NRG3: variants seen among roughly 807,000 people sequenced by gnomAD.
The protein encoded by NRG3 is neuregulin 3.
NRG3 carries 31 observed loss-of-function variants against 66.9 expected under a neutral mutation model. The observed-to-expected ratio is 0.46, with a 90% confidence interval of 0.35 to 0.63. The LOEUF (loss-of-function observed/expected upper bound fraction) is 0.63. Among genes scored for constraint, NRG3 ranks in the 20% least tolerant of loss-of-function variants. NRG3 has a pLI of 0.00. For synonymous variants in NRG3, 393 were observed against 359.4 expected, an observed-to-expected ratio of 1.09 and a Z score of -1.06; for missense variants, 910 against 878.9, an observed-to-expected ratio of 1.04 and a Z score of -0.45.
intron 3 of NRG3, among the ~76,000 whole-genome samples, chr10:82,781,046 A>G (rs769226226): frequency 1.3e-5 from 2 of 152,208 alleles, no homozygotes; most frequent in Non-Finnish European, 2.9e-5. Flanking sequence ...GGGAATTATA[A>G]GATGCCCATG....
intron 2 of NRG3, among the ~76,000 whole-genome samples, chr10:82,564,643 G>A (rs1388931786): frequency 6.6e-6 from 1 of 151,976 alleles, no homozygotes; most frequent in African/African-American, 2.4e-5. Context: ...ACTCTATCTT[G>A]TTGCTCTTAA....
intron 1 of NRG3, among the ~76,000 whole-genome samples, chr10:81,917,250 C>A (rs557443901): frequency 6.6e-6 from 1 of 152,296 alleles, no homozygotes; most frequent in African/African-American, 2.4e-5. Context: ...CACTTCAAGT[C>A]CCTTATTTGG....
intron 2 of NRG3, among the ~76,000 whole-genome samples, chr10:82,662,503 A>C (rs576407415): frequency 6.6e-6 from 1 of 152,320 alleles, no homozygotes; most frequent in African/African-American, 2.4e-5. Context: ...TTGTCTCAAA[A>C]CCACACAGGA....
intron 1 of NRG3, among the ~76,000 whole-genome samples, chr10:82,130,271 A>G (rs979748213): frequency 6.6e-6 from 1 of 151,950 alleles, no homozygotes; most frequent in Non-Finnish European, 1.5e-5. Flanking sequence ...ATGTATGTGC[A>G]TGACGTGCAG....
rs5786567 is a variant in NRG3, at chr10:82,720,810, CATATATATATATATATAT to C, written c.954-17752_954-17735del. 5.8e-4 allele frequency among the ~76,000 whole-genome samples: 66 copies of C among 114,748 alleles called. 2 individuals are homozygous for C. The highest frequency in any genetic ancestry group is 2.5e-3 in the African/African-American group (58 of 22,864). 75.3% of individuals were successfully genotyped at this position (114,748 alleles called of 152,430 possible). A position where few individuals can be genotyped will look rare whatever the true frequency, so the allele number is the denominator to read the frequency against. ...AACACATATATAGGAGTATTTTATA[CATATATATATATATATAT>C]ATATATATATATATCACCCATCACT... is the stretch of plus-strand genomic sequence containing the variant. On this transcript the variant is annotated intron_variant, in intron 2 of 8. Coordinates refer to ENST00000372141, the MANE Select transcript of NRG3 (RefSeq NM_001010848.4).
At chr10:82,983,473 C>A (rs2132689506) in intron 8 of NRG3, among the ~76,000 whole-genome samples, 1 of 152,218 alleles carries the variant, frequency 6.6e-6, no homozygotes, top group African/African-American at 2.4e-5. Context: ...CCCCAAAAAG[C>A]TTTTCTGGTT....
intron 1 of NRG3, among the ~76,000 whole-genome samples, chr10:82,132,521 A>G (rs1466140842): frequency 9.8e-5 from 1 of 10,162 alleles, no homozygotes. Flanking sequence ...TATATGATAT[A>G]TATGATATAT....
chr10:82,909,673 G>A (rs1464529760), intron 4 of NRG3, among the ~76,000 whole-genome samples: 1 of 152,142 alleles, frequency 6.6e-6, no homozygotes, highest in Non-Finnish European at 1.5e-5. Context: ...CAAGACCTAC[G>A]TTCATTACTC....
chr10:82,959,063 C>A lies in NRG3; in HGVS notation c.1272C>A (p.Val424=). The A allele has an allele frequency of 6.2e-7, 1 of 1,601,004 alleles. No homozygotes were observed. The highest frequency in any genetic ancestry group is 1.1e-5 in the South Asian group (1 of 88,572). The change falls in exon 6 of 9, where the codon GTC becomes GTA. Residue 424 remains valine, a synonymous_variant. Coordinates refer to ENST00000372141, the MANE Select transcript of NRG3 (RefSeq NM_001010848.4). ...AKSENLVKSH[V]QLQNYSKVER... is the part of the protein sequence containing the mutation. ...CAGAGAACTTGGTGAAGAGCCATGT[C>A]CAGCTGCAAAATGTAAGTGACATGT... is the stretch of plus-strand genomic sequence containing the variant.
In NRG3 at chr10:81,876,180, T is replaced by TACA; in HGVS notation, c.823+17_823+18insACA. The TACA allele has an allele frequency of 6.4e-7, 1 of 1,558,080 alleles. No individual in the cohort carries two copies. Among genetic ancestry groups the TACA allele is most frequent in the South Asian group, 1.2e-5 (1 of 84,828 alleles). ...CCAAATTTCGTAAGTAAACACTGTG[T>TACA]CTCAACTATGATTTACTACTGAGTT... On this transcript the variant is annotated intron_variant, in intron 1 of 8. Coordinates refer to ENST00000372141, the MANE Select transcript of NRG3 (RefSeq NM_001010848.4).
chr10:82,153,126 A>G (rs912734937), intron 1 of NRG3, among the ~76,000 whole-genome samples: 1 of 152,088 alleles, frequency 6.6e-6, no homozygotes, highest in Non-Finnish European at 1.5e-5. Flanking sequence ...TTTATCAGCT[A>G]TGGTCACCAT....
intron 1 of NRG3, among the ~76,000 whole-genome samples, chr10:81,954,826 T>A (rs1360048985): frequency 6.6e-6 from 1 of 152,110 alleles, no homozygotes; most frequent in Non-Finnish European, 1.5e-5. Flanking sequence ...CATATCACCT[T>A]GCCTGTGTCA....
chr10:82,414,668 G>A (rs2136186040), intron 2 of NRG3, among the ~76,000 whole-genome samples: 1 of 152,236 alleles, frequency 6.6e-6, no homozygotes, highest in East Asian at 1.9e-4. Context: ...TGTGGAGAAA[G>A]GAATGAATAA....
intron 2 of NRG3, among the ~76,000 whole-genome samples, chr10:82,465,782 G>A (rs1285092137): frequency 1.3e-5 from 2 of 152,126 alleles, no homozygotes; most frequent in South Asian, 2.1e-4. Context: ...TGGTTGTGGG[G>A]TAGAGCCATC....
chr10:82,283,081 C>G (rs1046690851), intron 1 of NRG3, among the ~76,000 whole-genome samples: 1 of 152,084 alleles, frequency 6.6e-6, no homozygotes, highest in Admixed American at 6.5e-5. Context: ...AACACGAGTT[C>G]TCCTGTCTTC....
At chr10:82,463,871 A>G (rs2091637542) in intron 2 of NRG3, among the ~76,000 whole-genome samples, 1 of 152,234 alleles carries the variant, frequency 6.6e-6, no homozygotes, top group Admixed American at 6.5e-5. Flanking sequence ...CTTGAAAAGC[A>G]TGGCTCTGAG....
intron 1 of NRG3, among the ~76,000 whole-genome samples, chr10:82,339,714 T>G (rs1459005919): frequency 6.6e-6 from 1 of 152,178 alleles, no homozygotes; most frequent in Non-Finnish European, 1.5e-5. Context: ...CAAGTGCTCT[T>G]TTGACTTTTA....
chr10:82,315,475 G>A (rs1047473138), intron 1 of NRG3, among the ~76,000 whole-genome samples: 3 of 152,122 alleles, frequency 2.0e-5, no homozygotes, highest in Non-Finnish European at 4.4e-5. Flanking sequence ...ATCTTCTTGT[G>A]TAGATCTTAC....
intron 2 of NRG3, among the ~76,000 whole-genome samples, chr10:82,687,810 C>T (rs1376838906): frequency 2.0e-5 from 3 of 152,146 alleles, no homozygotes; most frequent in Admixed American, 1.3e-4. Flanking sequence ...CTTACAGCCA[C>T]CCAGCAGGCA....
Sources: allele counts gnomAD v4.1 joint callset (sites outside exome capture counted in the v4.1 genomes callset), GRCh38; gene constraint gnomAD v4.1.1; transcripts MANE v1.5; gene names NCBI Gene and HGNC (gene_info 2026-07-23, HGNC 2026-07-21).